Variants in CEBPZOS observed in about 807,000 individuals in gnomAD.
CEBPZOS encodes protein CEBPZOS.
Under a neutral mutation model 4.8 loss-of-function variants are expected in CEBPZOS, and 10 were observed. The ratio of observed to expected loss-of-function variants is 2.07; its 90% CI spans 1.28 to 3.52. The LOEUF is 3.52. Among genes scored for constraint, CEBPZOS ranks in the 30% most tolerant of loss-of-function variants. The probability of loss-of-function intolerance (pLI) is 0.00; values close to 1 mark genes in which losing one functional copy is unlikely to be tolerated. For synonymous variants in CEBPZOS, 25 were observed against 14.2 expected (o/e 1.77, Z -1.72); for missense variants, 98 against 43.6 (o/e 2.25, Z -3.51).
At chr2:37,210,572 G>C (rs1468197380) in intron 4 of CEBPZOS, 1 of 153,374 alleles carries the variant, frequency 6.5e-6, no homozygotes, top group Non-Finnish European at 1.5e-5. Flanking sequence ...GCTAAGCAAT[G>C]AGGATGCAAA....
chr2:37,200,462 T>C (rs193039288), intron 2 of CEBPZOS, among the ~76,000 whole-genome samples: 2,094 of 152,250 alleles, frequency 0.014, 53 homozygotes, highest in African/African-American at 0.048. Context: ...AAATCCCTTT[T>C]CTTTTAAACT....
chr2:37,203,593 A>G lies in CEBPZOS; in HGVS notation c.*1733A>G, dbSNP rs957471411. 7 of 152,280 alleles carry G rather than the reference A, an allele frequency of 4.6e-5. No individual in the cohort carries two copies. Among genetic ancestry groups the G allele is most frequent in the Non-Finnish European group, 7.3e-5 (5 of 68,050 alleles). 9.4% of individuals were successfully genotyped at this position (152,280 alleles called of 1,614,324 possible). On this transcript the variant is annotated 3_prime_UTR_variant, in exon 5 of 5. Coordinates refer to ENST00000402297, the MANE Select transcript of CEBPZOS (RefSeq NM_001322374.2). ...TTTTAAAAAGAGCTTTACTAAATAC[A>G]GATCATAACATTCAGCTGTTTTAAG...
chr2:37,200,658 TA>T (rs1677176036), intron 2 of CEBPZOS, among the ~76,000 whole-genome samples: 1 of 70,342 alleles, frequency 1.4e-5, no homozygotes, highest in Admixed American at 1.9e-4. Context: ...CACTGTATCT[TA>T]AGAAAAAAAA....
At chr2:37,212,879 C>CA (rs945484939) in intron 4 of CEBPZOS, among the ~76,000 whole-genome samples, 420 of 91,048 alleles carry the variant, frequency 4.6e-3, no homozygotes, top group African/African-American at 0.013. Context: ...AAAAAAAAAA[C>CA]AAAAAAAAAA....
chr2:37,198,991 TAAAAATACA>T (rs1266073110), intron 1 of CEBPZOS, among the ~76,000 whole-genome samples: 1 of 151,866 alleles, frequency 6.6e-6, no homozygotes, highest in African/African-American at 2.4e-5. Context: ...CTGTGTCTAC[TAAAAATACA>T]AAAAATACAA....
At chr2:37,201,278 T>C in intron 3 of CEBPZOS, 186 bp downstream of exon 3, 1 of 559,052 alleles carries the variant, frequency 1.8e-6, no homozygotes, top group East Asian at 3.0e-5. Context: ...TTCTGAATTC[T>C]TCTAGTGGTT....
rs747419410 is a variant in CEBPZOS, at chr2:37,203,039, A to G, written c.*1179A>G. On this transcript the variant is annotated 3_prime_UTR_variant, in exon 5 of 5. Coordinates refer to ENST00000402297, the MANE Select transcript of CEBPZOS (RefSeq NM_001322374.2). ...AAAAATTGTAAGTCTACATTATTCA[A>G]TTATAAATCTAATGATTTTAGAAAA... is the stretch of plus-strand genomic sequence containing the variant. The G allele has an allele frequency of 3.6e-6, 5 of 1,373,268 alleles. No homozygotes were observed. In the Admixed American group the frequency reaches 7.3e-5, roughly 20 times the overall value. 85.1% of individuals were successfully genotyped at this position (1,373,268 alleles called of 1,614,324 possible).
intron 2 of CEBPZOS, among the ~76,000 whole-genome samples, chr2:37,200,788 T>G (rs1256941965): frequency 6.6e-6 from 1 of 152,194 alleles, no homozygotes; most frequent in Non-Finnish European, 1.5e-5. Flanking sequence ...GGAGGCTCGC[T>G]TGAGCCCAGC....
intron 4 of CEBPZOS, among the ~76,000 whole-genome samples, chr2:37,213,171 G>C (rs1248557489): frequency 6.6e-6 from 1 of 152,102 alleles, no homozygotes; most frequent in African/African-American, 2.4e-5. Flanking sequence ...AATTTCTGTA[G>C]CTCTGTGGAT....
intron 4 of CEBPZOS, chr2:37,212,175 C>T (rs563544056): frequency 1.5e-3 from 1,438 of 976,938 alleles, no homozygotes; most frequent in Non-Finnish European, 1.7e-3. Flanking sequence ...TAAATAATAA[C>T]GTGCTTTATA....
At chr2:37,214,895 A>T, downstream of CEBPZOS, 3 of 1,607,594 alleles carry the variant, frequency 1.9e-6, no homozygotes, top group Non-Finnish European at 2.6e-6. Flanking sequence ...CCTGTGGAAA[A>T]ACACTTCATC....
At chr2:37,209,574 T>C (rs1034854331), downstream of CEBPZOS, 1 of 152,190 alleles carries the variant, frequency 6.6e-6, no homozygotes, top group Non-Finnish European at 1.5e-5. Context: ...GGTGCTGGGA[T>C]AACTGGCAAG....
chr2:37,207,686 C>G (rs1388783434), downstream of CEBPZOS, among the ~76,000 whole-genome samples: 1 of 152,124 alleles, frequency 6.6e-6, no homozygotes, highest in Non-Finnish European at 1.5e-5. Context: ...CATTAAATGT[C>G]TACATCAAAA....
At chr2:37,215,211 C>T, downstream of CEBPZOS, 1 of 293,494 alleles carries the variant, frequency 3.4e-6, no homozygotes, top group East Asian at 5.8e-5. Flanking sequence ...AGTGAAACAA[C>T]AGGGTTCTCT....
downstream of CEBPZOS, chr2:37,215,347 A>G (rs1677842804): frequency 6.5e-6 from 1 of 154,982 alleles, no homozygotes; most frequent in African/African-American, 2.4e-5. Flanking sequence ...CTTGCCATTA[A>G]TGCGTGCCAT....
rs1677382388 is a variant in CEBPZOS, at chr2:37,203,452, G to C, written c.*1592G>C. 6.8e-6 allele frequency: 1 copy of C among 146,294 alleles called. No individual in the cohort carries two copies. Among genetic ancestry groups the C allele is most frequent in the Non-Finnish European group, 1.5e-5 (1 of 65,990 alleles). 9.1% of individuals were successfully genotyped at this position (146,294 alleles called of 1,614,324 possible). A position where few individuals can be genotyped will look rare whatever the true frequency, so the allele number is the denominator to read the frequency against. ...TGAAGTTGTTTATAACAGCGAAAAA[G>C]GTTCTCCTTTAAAAAAAAAACTTAT... On this transcript the variant is annotated 3_prime_UTR_variant, in exon 5 of 5. Coordinates refer to ENST00000402297, the MANE Select transcript of CEBPZOS (RefSeq NM_001322374.2).
chr2:37,215,820 T>C (rs1173032859), downstream of CEBPZOS, among the ~76,000 whole-genome samples: 1 of 152,060 alleles, frequency 6.6e-6, no homozygotes, highest in Non-Finnish European at 1.5e-5. Context: ...ATTATATACA[T>C]AGGGGTTGTG....
Position 37,201,040 on chromosome 2 carries a change from TCCATCAGA to T in CEBPZOS, c.116-7_116del, listed in dbSNP as rs1481125010. 2 of 715,408 alleles carry T rather than the reference TCCATCAGA, an allele frequency of 2.8e-6. No individual in the cohort carries two copies. The highest frequency in any genetic ancestry group is 2.0e-5 in the Admixed American group (1 of 49,602). 44.3% of individuals were successfully genotyped at this position (715,408 alleles called of 1,614,324 possible). A position where few individuals can be genotyped will look rare whatever the true frequency, so the allele number is the denominator to read the frequency against. ...TATCTAATTTCAAGACATCCTTTTT[TCCATCAGA>T]TTTCAGGCAAACAATGAGCAAGAAA... On this transcript the variant is annotated splice_acceptor_variant and splice_polypyrimidine_tract_variant and coding_sequence_variant and intron_variant, in exon 3 of 5. Transcript: ENST00000402297. LOFTEE classifies it high-confidence loss of function.
intron 1 of CEBPZOS, among the ~76,000 whole-genome samples, chr2:37,197,566 T>C (rs1167428190): frequency 3.3e-5 from 5 of 152,200 alleles, no homozygotes; most frequent in African/African-American, 1.2e-4. Context: ...GTTCATTCCT[T>C]GAACATTAAA....
Sources: gnomAD v4.1 joint callset for allele counts (sites outside exome capture counted in the v4.1 genomes callset) on GRCh38, gnomAD v4.1.1 for gene constraint, MANE v1.5 for transcripts, NCBI Gene and HGNC (gene_info 2026-07-23, HGNC 2026-07-21) for gene names.